The following DLC1 variants were observed in gnomAD, a reference collection of about 807,000 sequenced individuals.
DLC1 encodes DLC1 Rho GTPase activating protein, also known as rho GTPase-activating protein 7.
A neutral mutation model predicts 140.3 loss-of-function variants in DLC1; 54 were observed. The observed-to-expected ratio is 0.38, with a 90% CI of 0.31 to 0.48. The LOEUF (loss-of-function observed/expected upper bound fraction) is 0.48. Among genes scored for constraint, DLC1 ranks in the 20% least tolerant of loss-of-function variants. The pLI is 0.96. For missense variants in DLC1, 2,536 were observed against 1,907.0 expected (o/e 1.33, Z -6.14); for synonymous variants, 986 against 728.1 (o/e 1.35, Z -5.70).
intron 1 of DLC1, among the ~76,000 whole-genome samples, chr8:13,573,381 T>C (rs1043070773): frequency 1.3e-5 from 2 of 152,184 alleles, no homozygotes; most frequent in Non-Finnish European, 2.9e-5. Flanking sequence ...TTTAGGGTTT[T>C]CTAGGTATAA....
At chr8:13,530,429 G>A (rs1803057187) in intron 1 of DLC1, among the ~76,000 whole-genome samples, 1 of 152,208 alleles carries the variant, frequency 6.6e-6, no homozygotes, top group East Asian at 1.9e-4. Flanking sequence ...GAAATTTTTA[G>A]GAGAAGATAC....
At chr8:13,120,127 G>A (rs1820916823) in intron 5 of DLC1, among the ~76,000 whole-genome samples, 1 of 151,308 alleles carries the variant, frequency 6.6e-6, no homozygotes. Flanking sequence ...CAGATCATCT[G>A]AGCTCAGGAG....
chr8:13,578,274 G>C (rs1396119517), intron 1 of DLC1, among the ~76,000 whole-genome samples: 1 of 152,108 alleles, frequency 6.6e-6, no homozygotes, highest in East Asian at 1.9e-4. Flanking sequence ...ATGTTTCAGT[G>C]AGTCACAGCC....
intron 1 of DLC1, among the ~76,000 whole-genome samples, chr8:13,563,034 T>C (rs1260242722): frequency 6.6e-6 from 1 of 152,120 alleles, no homozygotes; most frequent in Non-Finnish European, 1.5e-5. Flanking sequence ...AATCGAAAAC[T>C]CTAAAATTAT....
rs576526387 is a variant in DLC1, at chr8:13,325,747, G to T, written c.1315-20445C>A. Among the ~76,000 whole-genome samples, 4 of 152,232 alleles carry T rather than the reference G, an allele frequency of 2.6e-5. No homozygotes were observed. The South Asian group carries it at 8.3e-4, about 32-fold the overall frequency. ...GAGAGAATATTCTCTGGGAAAAATG[G>T]GCATTAAAAGAAAAGATTGTCTTCT... On this transcript the variant is annotated intron_variant, in intron 4 of 17. Coordinates refer to ENST00000276297, the MANE Select transcript of DLC1 (RefSeq NM_182643.3).
chr8:13,421,721 T>C (rs1838330282), intron 2 of DLC1, among the ~76,000 whole-genome samples: 2 of 152,206 alleles, frequency 1.3e-5, no homozygotes, highest in Admixed American at 1.3e-4. Flanking sequence ...AGGTTACTCA[T>C]CCTCCAATTC....
intron 5 of DLC1, among the ~76,000 whole-genome samples, chr8:13,197,796 A>G (rs1032036251): frequency 2.0e-5 from 3 of 152,212 alleles, no homozygotes; most frequent in African/African-American, 7.2e-5. Context: ...TTTGAATATA[A>G]TAAGTGCTAA....
intron 5 of DLC1, among the ~76,000 whole-genome samples, chr8:13,243,865 T>C (rs1829645649): frequency 6.6e-6 from 1 of 152,230 alleles, no homozygotes; most frequent in Non-Finnish European, 1.5e-5. Context: ...GACTCCGTAA[T>C]TGGTATCTTT....
At chr8:13,339,334 C>T (rs1251288867) in intron 4 of DLC1, 2 of 152,180 alleles carry the variant, frequency 1.3e-5, no homozygotes, top group Admixed American at 6.5e-5. Flanking sequence ...TTTGTAATAA[C>T]AAGAGGAGGC....
chr8:13,587,238 A>G (rs1805354144), intron 1 of DLC1, among the ~76,000 whole-genome samples: 2 of 151,862 alleles, frequency 1.3e-5, no homozygotes, highest in African/African-American at 4.8e-5. Context: ...ATTTGAAGAG[A>G]GTGATTATTC....
At chr8:13,286,665 T>C (rs1831545546) in intron 5 of DLC1, among the ~76,000 whole-genome samples, 1 of 151,438 alleles carries the variant, frequency 6.6e-6, no homozygotes, top group African/African-American at 2.4e-5. Context: ...AGAATGTAAA[T>C]TTTCACAGTC....
rs1801275164 is a variant in DLC1 at position 13,492,110 on chromosome 8, T to G, written c.1023+6939A>C. ...TATAGAGAGAACTGAGCAACTAACT[T>G]GACTGAGAAAACTGGGGAAATTAAA... On this transcript the variant is annotated intron_variant, in intron 2 of 17. Coordinates refer to ENST00000276297, the MANE Select transcript of DLC1 (RefSeq NM_182643.3). 2.0e-5 allele frequency among the ~76,000 whole-genome samples: 3 copies of G among 152,138 alleles called. 1 individual carries two copies. In the South Asian group the frequency reaches 6.2e-4, roughly 31 times the overall value.
chr8:13,324,690 A>G (rs911834006), intron 4 of DLC1, among the ~76,000 whole-genome samples: 32 of 152,218 alleles, frequency 2.1e-4, no homozygotes, highest in Non-Finnish European at 4.0e-4. Flanking sequence ...AATATAAACC[A>G]TGTACTTTTA....
rs140394159 is a variant in DLC1, at chr8:13,214,719, A to T, written c.1348+90550T>A. ...CAATTGCCACTTCCGAGTTGGAAAA[A>T]TTGGATCCCTTTGTGCTCTTATCTT... On this transcript the variant is annotated intron_variant, in intron 5 of 17. Coordinates refer to ENST00000276297, the MANE Select transcript of DLC1 (RefSeq NM_182643.3). 5.5e-5 allele frequency: 43 copies of T among 780,870 alleles called. No homozygotes were observed. In the African/African-American group the frequency reaches 7.1e-4, roughly 13 times the overall value. 48.4% of individuals were successfully genotyped at this position (780,870 alleles called of 1,614,324 possible).
chr8:13,186,901 G>A (rs1826404023), intron 5 of DLC1, among the ~76,000 whole-genome samples: 2 of 152,198 alleles, frequency 1.3e-5, no homozygotes, highest in Admixed American at 1.3e-4. Context: ...CCTTCTAATA[G>A]TCAGGTCCCT....
intron 5 of DLC1, among the ~76,000 whole-genome samples, chr8:13,282,945 C>G (rs1464669465): frequency 1.3e-5 from 2 of 152,092 alleles, no homozygotes; most frequent in Non-Finnish European, 2.9e-5. Context: ...GTCATTGCCA[C>G]AAATGTCCAT....
intron 5 of DLC1, among the ~76,000 whole-genome samples, chr8:13,288,314 G>C (rs1258686822): frequency 6.6e-6 from 1 of 152,074 alleles, no homozygotes. Flanking sequence ...GCAATGTAAC[G>C]GATTAATAAG....
chr8:13,186,677 C>A (rs1354399293), intron 5 of DLC1, among the ~76,000 whole-genome samples: 1 of 152,230 alleles, frequency 6.6e-6, no homozygotes, highest in Admixed American at 6.5e-5. Context: ...ATTCTCCATC[C>A]AGCTTTGTTC....
At chr8:13,474,067 C>T (rs932848793) in intron 2 of DLC1, among the ~76,000 whole-genome samples, 3 of 152,314 alleles carry the variant, frequency 2.0e-5, no homozygotes, top group Middle Eastern at 3.4e-3. Context: ...GGGCATGTCA[C>T]AGGTCTTCAT....
Sources: gnomAD v4.1 joint callset for allele counts (sites outside exome capture counted in the v4.1 genomes callset) on GRCh38, gnomAD v4.1.1 for gene constraint, MANE v1.5 for transcripts, NCBI Gene and HGNC (gene_info 2026-07-23, HGNC 2026-07-21) for gene names.